The following EZH1 variants were observed in gnomAD, a reference collection of about 807,000 sequenced individuals.
EZH1 encodes the protein histone-lysine N-methyltransferase EZH1.
Under a neutral mutation model 100.5 loss-of-function variants are expected in EZH1, and 33 were observed. The observed-to-expected ratio is 0.33, with a 90% confidence interval of 0.25 to 0.44. The LOEUF (loss-of-function observed/expected upper bound fraction) is 0.44. Ranked by LOEUF, EZH1 falls within the 20% of genes least tolerant of loss-of-function variation. The probability of loss-of-function intolerance (pLI) is 1.00; values close to 1 mark genes in which losing one functional copy is unlikely to be tolerated. For synonymous variants in EZH1, 272 were observed against 313.8 expected (o/e 0.87, Z 1.41); for missense variants, 475 against 928.4 (o/e 0.51, Z 6.35).
chr17:42,739,818 C>CT (rs2054143121), intron 1 of EZH1, among the ~76,000 whole-genome samples: 1 of 151,288 alleles, frequency 6.6e-6, no homozygotes, highest in Non-Finnish European at 1.5e-5. Flanking sequence ...GAGTCTCGCG[C>CT]TGTCGCCCAG....
intron 2 of EZH1, 169 bp from the exon 3 acceptor site, chr17:42,729,121 T>TA (rs200476101): frequency 1.1e-4 from 72 of 631,092 alleles, no homozygotes; most frequent in Non-Finnish European, 1.3e-4. Flanking sequence ...AGTTTCAATT[T>TA]AAAAAAAAGA....
At chr17:42,704,846 AC>A (rs1325475526) in intron 17 of EZH1, among the ~76,000 whole-genome samples, 163 bp from the exon 18 acceptor site, 1 of 152,196 alleles carries the variant, frequency 6.6e-6, no homozygotes, top group African/African-American at 2.4e-5. Context: ...TCCAATTCCC[AC>A]CCAGGCCAAC....
At chr17:42,714,876 TTA>T (rs557809048) in intron 10 of EZH1, among the ~76,000 whole-genome samples, 1,458 of 141,610 alleles carry the variant, frequency 0.01, 33 homozygotes, top group African/African-American at 0.035. Context: ...TTTTTATATA[TTA>T]TATATATAAT....
At chr17:42,743,640 T>A in intron 1 of EZH1, among the ~76,000 whole-genome samples, 1 of 151,174 alleles carries the variant, frequency 6.6e-6, no homozygotes, top group Non-Finnish European at 1.5e-5. Context: ...TGGCTATTTT[T>A]TTTTTGTAGA....
intron 10 of EZH1, among the ~76,000 whole-genome samples, chr17:42,715,178 T>C (rs1355147775): frequency 7.1e-6 from 1 of 140,818 alleles, no homozygotes; most frequent in East Asian, 2.0e-4. Context: ...TTATATATAA[T>C]ATATATCATA....
chr17:42,703,668 TCAA>T (rs1288692603), intron 19 of EZH1, 69 bp downstream of exon 19: 37 of 1,112,226 alleles, frequency 3.3e-5, no homozygotes, highest in South Asian at 1.8e-4. Context: ...AGGAAAATGT[TCAA>T]CAACGAATGG....
chr17:42,704,412 G>A (rs1266564742), intron 18 of EZH1, among the ~76,000 whole-genome samples, 190 bp downstream of exon 18: 4 of 152,052 alleles, frequency 2.6e-5, no homozygotes, highest in Non-Finnish European at 5.9e-5. Context: ...ATGGTGGCAG[G>A]TGCTTGTAGT....
chr17:42,709,231 T>C, intron 13 of EZH1: 1 of 305,408 alleles, frequency 3.3e-6, no homozygotes, highest in East Asian at 5.7e-5. Flanking sequence ...TCCAAATCTC[T>C]CCCTTTGTCT....
In EZH1 at chr17:42,728,944, T is replaced by C. The variant is rs1482312635; in HGVS notation, c.-3A>G. On this transcript the variant is annotated 5_prime_UTR_variant, in exon 3 of 21. Coordinates refer to ENST00000428826, the MANE Select transcript of EZH1 (RefSeq NM_001991.5). ...GTAGGGGGATTTGGTATTTCCATCT[T>C]GCTGTAATCTAAGAGAGACAGAGAT... The C allele has an allele frequency of 6.2e-7, 1 of 1,612,054 alleles. No homozygotes were observed.
At position 42,719,203 on chromosome 17, in the gene EZH1, G is replaced by A; in HGVS notation, c.669C>T (p.Asn223=). 6.2e-7 allele frequency: 1 copy of A among 1,612,884 alleles called. No homozygotes were observed. Among genetic ancestry groups the A allele is most frequent in the Non-Finnish European group, 8.5e-7 (1 of 1,179,128 alleles). ...GGAACTGTTTCTTGGAACTCTTTTT[G>A]TTGCCTGAATTGGAAATGATAAAAA... ...RKRKRHAIEG[N]KKSSKKQFPN... Residue 223 remains asparagine, a synonymous_variant, in exon 8 of 21, where the codon AAC becomes AAT. Transcript: ENST00000428826.
At chr17:42,710,391 T>C (rs1383737930) in intron 12 of EZH1, among the ~76,000 whole-genome samples, 2 of 152,190 alleles carry the variant, frequency 1.3e-5, no homozygotes, top group African/African-American at 2.4e-5. Flanking sequence ...GCCATTTCAA[T>C]AGGATGTGTT....
intron 10 of EZH1, among the ~76,000 whole-genome samples, chr17:42,717,131 C>A (rs1167467880): frequency 1.3e-5 from 2 of 152,190 alleles, no homozygotes; most frequent in Non-Finnish European, 2.9e-5. Context: ...GTTTCCTCTA[C>A]CTCATGACAC....
intron 1 of EZH1, among the ~76,000 whole-genome samples, chr17:42,734,948 G>A (rs898394133): frequency 6.0e-4 from 90 of 150,056 alleles, no homozygotes; most frequent in African/African-American, 2.2e-3. Flanking sequence ...AGCTGAGATC[G>A]CGCCACTGCA....
At chr17:42,739,876 C>G (rs2054144801) in intron 1 of EZH1, among the ~76,000 whole-genome samples, 1 of 151,706 alleles carries the variant, frequency 6.6e-6, no homozygotes, top group African/African-American at 2.4e-5. Context: ...CTCCATCCCC[C>G]AGGTTCACGC....
Position 42,718,829 on chromosome 17 carries a change from G to A in EZH1, c.768-212C>T, listed in dbSNP as rs2053654041. On this transcript the variant is annotated intron_variant, in intron 8 of 20. Transcript: ENST00000428826. This position sits in a 1 kb window ranked among gnomAD's most constrained non-coding sequence, Gnocchi z 4.2. ...GCAAATGTTGGAAAGTAAGGGGAGG[G>A]AAGGATTTGTTAAGATGGTGCTGGA... Among the ~76,000 whole-genome samples the A allele has an allele frequency of 6.6e-6, 1 of 152,058 alleles. No homozygotes were observed. The highest frequency in any genetic ancestry group is 1.5e-5 in the Non-Finnish European group (1 of 68,030).
At chr17:42,715,286 T>A (rs1001193794) in intron 10 of EZH1, among the ~76,000 whole-genome samples, 61 of 145,402 alleles carry the variant, frequency 4.2e-4, no homozygotes, top group African/African-American at 6.1e-4. Flanking sequence ...ATATATATAT[T>A]TTTTTGAGAC....
chr17:42,728,786 T>A, intron 3 of EZH1, 39 bp downstream of exon 3: 1 of 1,603,492 alleles, frequency 6.2e-7, no homozygotes, highest in South Asian at 1.1e-5. Context: ...GGTCAGTATA[T>A]TGAAATATAT....
At chr17:42,737,958 C>T (rs947503585) in intron 1 of EZH1, among the ~76,000 whole-genome samples, 6 of 151,980 alleles carry the variant, frequency 3.9e-5, no homozygotes, top group Non-Finnish European at 7.4e-5. Context: ...AGGCGGATCA[C>T]GAGGTCAGGA....
At chr17:42,709,032 T>C in intron 13 of EZH1, 116 bp from the exon 14 acceptor site, 8 of 1,156,808 alleles carry the variant, frequency 6.9e-6, no homozygotes, top group Non-Finnish European at 1.0e-5. Flanking sequence ...GGGAGTATCT[T>C]CCCAAACCCC....
Sources: allele counts gnomAD v4.1 joint callset (sites outside exome capture counted in the v4.1 genomes callset), GRCh38; gene constraint gnomAD v4.1.1; non-coding constraint Gnocchi (gnomAD v3.1); transcripts MANE v1.5; gene names NCBI Gene and HGNC (gene_info 2026-07-23, HGNC 2026-07-21).